The following MGAM variants were observed in gnomAD, a reference collection of about 807,000 sequenced individuals.
MGAM encodes alpha-1,4-glucosidase.
In MGAM, 253 loss-of-function variants were observed where a neutral mutation model predicts 358.8. That is an observed-to-expected ratio of 0.71 (90% CI 0.64 to 0.78). MGAM has a LOEUF of 0.78. Ranked by LOEUF, MGAM falls within the 30% of genes least tolerant of loss-of-function variation. MGAM has a pLI of 0.00. For synonymous variants in MGAM, 1,105 were observed against 1,227.1 expected (o/e 0.90, Z 2.08); for missense variants, 3,080 against 3,432.6 (o/e 0.90, Z 2.57).
Position 142,094,340 on chromosome 7 carries a change from C to T in MGAM, c.7173-24C>T, listed in dbSNP as rs1348091308. On this transcript the variant is annotated intron_variant, in intron 60 of 70. Coordinates refer to ENST00000475668, the MANE Select transcript of MGAM (RefSeq NM_001365693.1). ...TTGCTTCCTGGCGGTGCCCTCAGTT[C>T]ACCTCCTTTTCCCCTCCAACCAGAG... is the stretch of plus-strand genomic sequence containing the variant. The T allele has an allele frequency of 1.3e-6, 2 of 1,503,078 alleles. 1 individual carries two copies. The highest frequency in any genetic ancestry group is 2.4e-5 in the South Asian group (2 of 82,770). The allele number at this position is 1,503,078 out of a possible 1,614,324, so 93.1% of individuals were successfully genotyped here.
Position 142,008,494 on chromosome 7 carries a change from CT to C in MGAM, c.128-8del, listed in dbSNP as rs1554453206. On this transcript the variant is annotated splice_polypyrimidine_tract_variant and intron_variant, in intron 2 of 70. Transcript: ENST00000475668. ...TTGTCTAATGGTCTTTTTATGTTTG[CT>C]TTTGGTATAGCCCCAGATCCTGGGA... 6.3e-7 allele frequency: 1 copy of C among 1,596,678 alleles called. No homozygotes were observed. The highest frequency in any genetic ancestry group is 1.8e-5 in the Admixed American group (1 of 56,472).
chr7:141,989,065 G>A (rs138863464), intron 2 of MGAM, among the ~76,000 whole-genome samples: 8 of 151,898 alleles, frequency 5.3e-5, no homozygotes, highest in African/African-American at 1.9e-4. Flanking sequence ...AGGTGGGGGT[G>A]TAGATGCCAT....
At chr7:142,026,332 A>G (rs1806967231) in intron 8 of MGAM, among the ~76,000 whole-genome samples, 2 of 152,214 alleles carry the variant, frequency 1.3e-5, no homozygotes, top group Non-Finnish European at 2.9e-5. Flanking sequence ...TATGAAAGTC[A>G]GAGAGGAGAA....
chr7:142,078,705 C>A, intron 48 of MGAM, 103 bp from the exon 49 acceptor site: 1 of 1,207,114 alleles, frequency 8.3e-7, no homozygotes, highest in Non-Finnish European at 1.2e-6. Flanking sequence ...AAGTGATAGG[C>A]TGGTTTTATT....
At chr7:142,051,740 C>T (rs1810969916) in intron 24 of MGAM, among the ~76,000 whole-genome samples, 2 of 151,810 alleles carry the variant, frequency 1.3e-5, no homozygotes, top group African/African-American at 4.8e-5. Flanking sequence ...ATTATTATGC[C>T]CTGTATGCCT....
At chr7:142,000,053 T>G (rs1804611139) in intron 1 of MGAM, among the ~76,000 whole-genome samples, 1 of 152,212 alleles carries the variant, frequency 6.6e-6, no homozygotes, top group South Asian at 2.1e-4. Flanking sequence ...GCTAATGATA[T>G]TTTATTAAAA....
chr7:141,991,682 G>A (rs569196896), upstream of MGAM, among the ~76,000 whole-genome samples: 48 of 152,234 alleles, frequency 3.2e-4, no homozygotes, highest in African/African-American at 9.6e-4. Flanking sequence ...TGATCCGCCT[G>A]CCTCAGCCTC....
intron 3 of MGAM, among the ~76,000 whole-genome samples, chr7:142,016,215 G>A (rs1318636345): frequency 2.0e-5 from 3 of 152,152 alleles, no homozygotes; most frequent in Non-Finnish European, 4.4e-5. Flanking sequence ...GTAGAGCAGA[G>A]CTTGATTGAC....
At chr7:142,010,580 G>T (rs889896366) in intron 3 of MGAM, among the ~76,000 whole-genome samples, 6 of 151,898 alleles carry the variant, frequency 4.0e-5, no homozygotes, top group Non-Finnish European at 8.8e-5. Flanking sequence ...TCATGCTTGG[G>T]TTGCTCCAGG....
intron 42 of MGAM, among the ~76,000 whole-genome samples, chr7:142,067,837 T>C (rs1355520632): frequency 3.1e-5 from 4 of 129,476 alleles, no homozygotes; most frequent in African/African-American, 1.0e-4. Context: ...ACCCTTCCCT[T>C]CCTCTACAGG....
intron 30 of MGAM, 62 bp downstream of exon 30, chr7:142,057,004 A>C: frequency 6.7e-7 from 1 of 1,485,824 alleles, no homozygotes; most frequent in Admixed American, 1.8e-5. Flanking sequence ...GCCAGAGTCC[A>C]CATTGATTAG....
At chr7:142,074,429 A>G (rs4439034) in intron 45 of MGAM, among the ~76,000 whole-genome samples, 14,045 of 146,090 alleles carry the variant, frequency 0.096, 2,083 homozygotes, top group African/African-American at 0.23. Context: ...TTTATTGTCA[A>G]TGGGTGCTTA....
chr7:142,039,830 G>A (rs377401861), intron 19 of MGAM, among the ~76,000 whole-genome samples: 6 of 152,062 alleles, frequency 3.9e-5, no homozygotes, highest in African/African-American at 1.4e-4. Context: ...ATTTGGGAAT[G>A]TTGGGAAAAT....
In MGAM at chr7:142,094,781, C is replaced by T; in HGVS notation, c.7376C>T (p.Ala2459Val). Residue 2459 changes from alanine to valine, a missense_variant, in exon 63 of 71, where the codon GCT becomes GTT. Around this residue, in one of 5 missense-constraint regions of MGAM, gnomAD observed 932 missense variants for 1,198.2 expected, o/e 0.78. Transcript: ENST00000475668. Reference protein sequence around the residue: ...GADICGFFQDAEYEMCVRWMQ... With the variant: ...GADICGFFQDVEYEMCVRWMQ... ...GATATCTGTGGGTTCTTTCAAGATGCTGAATATGAGATGTGTGTTCGCTGG... is the reference window on the plus strand; with the variant it reads ...GATATCTGTGGGTTCTTTCAAGATGTTGAATATGAGATGTGTGTTCGCTGG... 1 of 1,613,690 alleles carries T rather than the reference C, an allele frequency of 6.2e-7. No individual in the cohort carries two copies. Among genetic ancestry groups the T allele is most frequent in the African/African-American group, 1.3e-5 (1 of 74,842 alleles).
In MGAM at chr7:142,103,325, G is replaced by C. The variant is rs1276420880; in HGVS notation, c.8070G>C (p.Leu2690Phe). The change falls in exon 70 of 71, where the codon TTG (leucine) becomes TTC (phenylalanine). Residue 2690 changes from leucine (L) to phenylalanine (F), a missense_variant. Transcript: ENST00000475668. ...ATTACATCACTGGTACAAATCCTTT[G>C]AAACTGGGCTACATTGAAATCTGGG... Reference protein sequence around the residue: ...FNNYITGTNPLKLGYIEIWGV... With the variant: ...FNNYITGTNPFKLGYIEIWGV... The C allele has an allele frequency of 1.2e-6, 2 of 1,612,936 alleles. No individual in the cohort carries two copies. The highest frequency in any genetic ancestry group is 2.2e-5 in the South Asian group (2 of 90,860).
At chr7:142,031,192 G>A (rs2129003808) in intron 12 of MGAM, among the ~76,000 whole-genome samples, 1 of 152,238 alleles carries the variant, frequency 6.6e-6, no homozygotes, top group South Asian at 2.1e-4. Context: ...TTTCTCAAAT[G>A]TTTGTTTGTC....
Position 142,034,249 on chromosome 7 carries a change from G to T in MGAM, c.1670-13G>T. Reference sequence around the variant, plus strand: ...ACTTAGGCTCTCACTGATTGATCCTGCTTTTGTTTCAGGAATCCTGGATGG... The same window carrying T: ...ACTTAGGCTCTCACTGATTGATCCTTCTTTTGTTTCAGGAATCCTGGATGG... On this transcript the variant is annotated splice_polypyrimidine_tract_variant and intron_variant, in intron 14 of 70. Transcript: ENST00000475668. The T allele has an allele frequency of 1.9e-6, 3 of 1,552,858 alleles. No individual in the cohort carries two copies. In the South Asian group the frequency reaches 3.5e-5, roughly 18 times the overall value.
At chr7:141,998,017 A>G (rs1804407890) in intron 1 of MGAM, among the ~76,000 whole-genome samples, 1 of 152,164 alleles carries the variant, frequency 6.6e-6, no homozygotes, top group Non-Finnish European at 1.5e-5. Flanking sequence ...CTCCATATAC[A>G]CATCAAACGC....
At chr7:142,050,188 C>T (rs760711827) in intron 22 of MGAM, 47 bp from the exon 23 acceptor site, 4 of 1,590,842 alleles carry the variant, frequency 2.5e-6, no homozygotes, top group Admixed American at 3.3e-5. Context: ...ATCTGTTCTT[C>T]TGAGGTGGGC....
Sources: allele counts gnomAD v4.1 joint callset (sites outside exome capture counted in the v4.1 genomes callset), GRCh38; gene constraint gnomAD v4.1.1; regional missense constraint gnomAD v4.1.1; transcripts MANE v1.5; gene names NCBI Gene and HGNC (gene_info 2026-07-23, HGNC 2026-07-21).